The following CYTH3 variants were observed in gnomAD, a reference collection of about 807,000 sequenced individuals.
CYTH3 encodes cytohesin-3.
In CYTH3, 23 loss-of-function variants were observed where a neutral mutation model predicts 55.1. That is an observed-to-expected ratio of 0.42 (90% CI 0.30 to 0.59). The LOEUF (loss-of-function observed/expected upper bound fraction) is 0.59, where lower values mean the gene tolerates loss of function less well. Ranked by LOEUF, CYTH3 falls within the 20% of genes least tolerant of loss-of-function variation. The probability of loss-of-function intolerance (pLI) is 0.20; values close to 1 mark genes in which losing one functional copy is unlikely to be tolerated. For synonymous variants in CYTH3, 249 were observed against 194.9 expected (o/e 1.28, Z -2.31); for missense variants, 413 against 524.8 (o/e 0.79, Z 2.08).
intron 9 of CYTH3, 97 bp from the exon 10 acceptor site, chr7:6,165,907 A>G: frequency 1.6e-6 from 2 of 1,243,276 alleles, no homozygotes; most frequent in Middle Eastern, 2.6e-4. Flanking sequence ...CTGCGTTTTC[A>G]GAAAGGCCAC....
chr7:6,244,567 C>A (rs944307210), intron 1 of CYTH3, among the ~76,000 whole-genome samples: 13 of 152,184 alleles, frequency 8.5e-5, no homozygotes, highest in African/African-American at 3.1e-4. Flanking sequence ...TGGACTCAAG[C>A]GATCCTCCTG....
intron 1 of CYTH3, among the ~76,000 whole-genome samples, chr7:6,229,166 A>G (rs1263587912): frequency 6.6e-6 from 1 of 152,214 alleles, no homozygotes; most frequent in Non-Finnish European, 1.5e-5. Flanking sequence ...GTCGTTATCA[A>G]AGTTGGCCAG....
intron 1 of CYTH3, among the ~76,000 whole-genome samples, chr7:6,213,966 A>T (rs965945011): frequency 6.6e-6 from 1 of 152,178 alleles, no homozygotes; most frequent in Non-Finnish European, 1.5e-5. Flanking sequence ...AGGCTCATGG[A>T]GTGCAGGGAA....
At chr7:6,179,536 A>G (rs532445535) in intron 4 of CYTH3, among the ~76,000 whole-genome samples, 8 of 151,850 alleles carry the variant, frequency 5.3e-5, no homozygotes, top group South Asian at 2.1e-4. Flanking sequence ...ATCAATTCTC[A>G]TATGTATCTG....
intron 4 of CYTH3, among the ~76,000 whole-genome samples, chr7:6,178,821 G>T (rs757462493): frequency 5.9e-5 from 9 of 152,204 alleles, no homozygotes; most frequent in Non-Finnish European, 1.2e-4. Flanking sequence ...AAGGCAATGG[G>T]CTGCCCCTGG....
intron 1 of CYTH3, among the ~76,000 whole-genome samples, chr7:6,267,217 C>T (rs1455812345): frequency 6.6e-6 from 1 of 152,192 alleles, no homozygotes; most frequent in East Asian, 1.9e-4. Flanking sequence ...ACAGCCTGCA[C>T]AACCATGAGT....
chr7:6,171,537 T>G lies in CYTH3; in HGVS notation c.450-223A>C, dbSNP rs1017247607. ...TACTGATGGCTCATCTTTTTGTAAC[T>G]ACAACCAATTCAGCAGCGAGGCCGG... On this transcript the variant is annotated intron_variant, in intron 6 of 12. Coordinates refer to ENST00000350796, the MANE Select transcript of CYTH3 (RefSeq NM_004227.4). The surrounding 1 kb of genome is among the most constrained non-coding windows in gnomAD (Gnocchi z 6.7). Among the ~76,000 whole-genome samples, 2 of 152,140 alleles carry G rather than the reference T, an allele frequency of 1.3e-5. No homozygotes were observed. The highest frequency in any genetic ancestry group is 1.3e-4 in the Admixed American group (2 of 15,286).
At chr7:6,236,385 C>G (rs1015034088) in intron 1 of CYTH3, among the ~76,000 whole-genome samples, 1 of 90,122 alleles carries the variant, frequency 1.1e-5, no homozygotes, top group Admixed American at 1.2e-4. Flanking sequence ...TTTTTTTTTA[C>G]TTTTTGTACA....
intron 1 of CYTH3, among the ~76,000 whole-genome samples, chr7:6,269,222 A>AC (rs1485153659): frequency 2.6e-5 from 4 of 152,130 alleles, no homozygotes; most frequent in Non-Finnish European, 4.4e-5. Context: ...ACATGGGCTG[A>AC]CCCTGCCTGT....
At chr7:6,272,409 C>CGGGGGGGGGGGCCCG in intron 1 of CYTH3, 65 bp downstream of exon 1, 2 of 1,212,388 alleles carry the variant, frequency 1.6e-6, no homozygotes, top group Non-Finnish European at 2.1e-6. Flanking sequence ...GCCGCGCCCT[C>CGGGGGGGGGGGCCCG]GACCCCCAGC....
chr7:6,187,515 T>C (rs889519239), intron 3 of CYTH3, 142 bp downstream of exon 3: 4 of 744,984 alleles, frequency 5.4e-6, no homozygotes, highest in Admixed American at 2.0e-5. Flanking sequence ...CCACGCAGAG[T>C]AGGGGGAGAG....
intron 6 of CYTH3, among the ~76,000 whole-genome samples, chr7:6,172,380 C>T (rs936324419): frequency 1.3e-5 from 2 of 151,910 alleles, no homozygotes; most frequent in African/African-American, 2.4e-5. Flanking sequence ...CACAACCACC[C>T]CTCCTCCACC....
intron 1 of CYTH3, among the ~76,000 whole-genome samples, chr7:6,226,674 C>A (rs1779260263): frequency 1.3e-5 from 2 of 152,162 alleles, no homozygotes; most frequent in African/African-American, 4.8e-5. Context: ...TCTCAGTCAG[C>A]ATCTCAAAGT....
At chr7:6,226,662 ACT>A (rs1779260187) in intron 1 of CYTH3, among the ~76,000 whole-genome samples, 1 of 152,136 alleles carries the variant, frequency 6.6e-6, no homozygotes. Flanking sequence ...CCCAACTCTG[ACT>A]CTCAGTCAGC....
At position 6,259,813 on chromosome 7, in the gene CYTH3, AATATATATATATATATATAT is replaced by A. The variant is rs1583204746; in HGVS notation, c.34+12641_34+12660del. 1.6e-4 allele frequency among the ~76,000 whole-genome samples: 4 copies of A among 25,452 alleles called. 1 individual carries two copies. Among genetic ancestry groups the A allele is most frequent in the African/African-American group, 1.5e-3 (3 of 1,992 alleles). The allele number at this position is 25,452 out of a possible 152,430, so 16.7% of individuals were successfully genotyped here. ...TATATATATATATATATATATATAT[AATATATATATATATATATAT>A]TTTTTTTTTTTTTTAAGACGGATTT... On this transcript the variant is annotated intron_variant, in intron 1 of 12. Coordinates refer to ENST00000350796, the MANE Select transcript of CYTH3 (RefSeq NM_004227.4).
intron 1 of CYTH3, among the ~76,000 whole-genome samples, chr7:6,204,959 G>T (rs1784150969): frequency 6.6e-6 from 1 of 152,082 alleles, no homozygotes; most frequent in Non-Finnish European, 1.5e-5. Context: ...GAGCCCAGGA[G>T]TTCAAGGCCA....
intron 6 of CYTH3, chr7:6,172,742 C>G (rs746421716): frequency 2.2e-5 from 27 of 1,233,634 alleles, no homozygotes; most frequent in Non-Finnish European, 2.8e-5. Flanking sequence ...AGGCCTGCAC[C>G]CTTCTCTGGA....
intron 1 of CYTH3, among the ~76,000 whole-genome samples, chr7:6,211,287 T>A (rs1336472126): frequency 6.6e-6 from 1 of 152,236 alleles, no homozygotes; most frequent in Non-Finnish European, 1.5e-5. Flanking sequence ...TCGCTTTCTA[T>A]CAGACATGGC....
At chr7:6,197,373 C>G (rs774872182) in intron 1 of CYTH3, among the ~76,000 whole-genome samples, 1 of 152,146 alleles carries the variant, frequency 6.6e-6, no homozygotes, top group Non-Finnish European at 1.5e-5. Context: ...GTCTATACTT[C>G]GAAATACTTT....
Sources: gnomAD v4.1 joint callset for allele counts (sites outside exome capture counted in the v4.1 genomes callset) on GRCh38, gnomAD v4.1.1 for gene constraint, Gnocchi (gnomAD v3.1) non-coding constraint, MANE v1.5 for transcripts, NCBI Gene and HGNC (gene_info 2026-07-23, HGNC 2026-07-21) for gene names.